MKX: variants seen among roughly 807,000 people sequenced by gnomAD.
MKX encodes the protein mohawk homeobox.
A neutral mutation model predicts 36.0 loss-of-function variants in MKX; 13 were observed. The ratio of observed to expected loss-of-function variants is 0.36; its 90% confidence interval spans 0.24 to 0.57. The LOEUF is 0.57. Among genes scored for constraint, MKX ranks in the 20% least tolerant of loss-of-function variants. The probability of loss-of-function intolerance (pLI) is 0.79; values close to 1 mark genes in which losing one functional copy is unlikely to be tolerated. For synonymous variants in MKX, 176 were observed against 178.3 expected, an observed-to-expected ratio of 0.99 and a Z score of 0.10; for missense variants, 458 against 456.4, an observed-to-expected ratio of 1.00 and a Z score of -0.03.
At chr10:27,703,144 T>C (rs1836689708) in intron 5 of MKX, among the ~76,000 whole-genome samples, 1 of 152,146 alleles carries the variant, frequency 6.6e-6, no homozygotes, top group African/African-American at 2.4e-5. Flanking sequence ...AGTCCAGTTT[T>C]TTAATTCCTA....
intron 5 of MKX, among the ~76,000 whole-genome samples, chr10:27,676,526 C>A (rs1026525252): frequency 5.9e-5 from 9 of 151,668 alleles, no homozygotes; most frequent in Non-Finnish European, 1.2e-4. Context: ...TACAGGCACC[C>A]GCCACCAAGC....
chr10:27,697,433 G>A (rs1836575306), intron 5 of MKX, among the ~76,000 whole-genome samples: 1 of 152,130 alleles, frequency 6.6e-6, no homozygotes, highest in Admixed American at 6.6e-5. Context: ...CATTTTGCAA[G>A]TCATAAACCT....
chr10:27,726,654 CT>C (rs1478121642), intron 5 of MKX, among the ~76,000 whole-genome samples: 3 of 149,896 alleles, frequency 2.0e-5, no homozygotes, highest in Non-Finnish European at 4.4e-5. Context: ...TCATTTTACT[CT>C]TTCTATGTTT....
At chr10:27,721,813 A>T (rs913813937) in intron 5 of MKX, among the ~76,000 whole-genome samples, 1 of 152,182 alleles carries the variant, frequency 6.6e-6, no homozygotes, top group African/African-American at 2.4e-5. Context: ...CATGCTATTA[A>T]TATATGTTTA....
In MKX at chr10:27,673,212, ATC is replaced by A. The variant is rs1421615092; in HGVS notation, c.*2015_*2016del. 2.0e-5 allele frequency: 3 copies of A among 152,194 alleles called. No homozygotes were observed. The highest frequency in any genetic ancestry group is 7.2e-5 in the African/African-American group (3 of 41,464). The allele number at this position is 152,194 out of a possible 1,614,324, so 9.4% of individuals were successfully genotyped here. A position where few individuals can be genotyped will look rare whatever the true frequency, so the allele number is the denominator to read the frequency against. ...CTTCCAACCTTTGGTATTAAAAAAAATCATGTGAATAGTTGTCCTATATTGCC... is the reference window on the plus strand; with the variant it reads ...CTTCCAACCTTTGGTATTAAAAAAAAATGTGAATAGTTGTCCTATATTGCC... On this transcript the variant is annotated 3_prime_UTR_variant, in exon 7 of 7. Transcript: ENST00000419761.
intron 5 of MKX, among the ~76,000 whole-genome samples, chr10:27,704,325 T>C (rs1219149047): frequency 3.3e-5 from 5 of 152,136 alleles, no homozygotes; most frequent in African/African-American, 1.2e-4. Flanking sequence ...ATTTTTTAAA[T>C]AGACAAGTTG....
chr10:27,690,704 A>C (rs1440975463), intron 5 of MKX, among the ~76,000 whole-genome samples: 1 of 152,160 alleles, frequency 6.6e-6, no homozygotes, highest in Non-Finnish European at 1.5e-5. Context: ...CCTGACTTGA[A>C]GAAGTCAGGG....
intron 5 of MKX, among the ~76,000 whole-genome samples, chr10:27,694,650 G>A (rs781024964): frequency 4.8e-5 from 7 of 146,244 alleles, no homozygotes; most frequent in South Asian, 4.3e-4. Context: ...AGCCGAGATC[G>A]TGCCACTGCA....
chr10:27,744,582 C>G lies in MKX; in HGVS notation c.-82-1085G>C, dbSNP rs1835005127. ...GGCGCGCGGCGGACTTCGCCCGCCCCATCTCCTCGCCTCGCGCCTCGGGAC... is the reference window on the plus strand; with the variant it reads ...GGCGCGCGGCGGACTTCGCCCGCCCGATCTCCTCGCCTCGCGCCTCGGGAC... On this transcript the variant is annotated intron_variant, in intron 1 of 6. Transcript: ENST00000419761. This position sits in a 1 kb window ranked among gnomAD's most constrained non-coding sequence, Gnocchi z 5.6. Among the ~76,000 whole-genome samples the G allele has an allele frequency of 6.6e-6, 1 of 152,128 alleles. No individual in the cohort carries two copies. Among genetic ancestry groups the G allele is most frequent in the African/African-American group, 2.4e-5 (1 of 41,426 alleles).
chr10:27,681,106 G>A (rs1164287675), intron 5 of MKX, among the ~76,000 whole-genome samples: 1 of 152,192 alleles, frequency 6.6e-6, no homozygotes, highest in African/African-American at 2.4e-5. Flanking sequence ...ATCGTAATGT[G>A]GTCATGCCAC....
chr10:27,731,862 C>G (rs1391338550), intron 5 of MKX, among the ~76,000 whole-genome samples: 1 of 151,962 alleles, frequency 6.6e-6, no homozygotes, highest in Non-Finnish European at 1.5e-5. Flanking sequence ...GAAGACTCAC[C>G]ACACTGGGAA....
intron 5 of MKX, among the ~76,000 whole-genome samples, chr10:27,684,210 A>G (rs1209694503): frequency 1.3e-5 from 2 of 151,464 alleles, no homozygotes; most frequent in Non-Finnish European, 2.9e-5. Flanking sequence ...AGCTACTTGG[A>G]AGGCCGAGGT....
intron 5 of MKX, among the ~76,000 whole-genome samples, chr10:27,697,401 G>A (rs189683233): frequency 7.2e-5 from 11 of 152,304 alleles, no homozygotes; most frequent in Admixed American, 2.0e-4. Context: ...AACCTGTGAT[G>A]ATAATAACAG....
At chr10:27,724,826 T>C (rs917160629) in intron 5 of MKX, among the ~76,000 whole-genome samples, 9 of 151,428 alleles carry the variant, frequency 5.9e-5, no homozygotes, top group Admixed American at 2.0e-4. Flanking sequence ...GTATTAATGG[T>C]GTGGGATCTT....
chr10:27,691,156 G>C (rs574767598), intron 5 of MKX, among the ~76,000 whole-genome samples: 1 of 152,258 alleles, frequency 6.6e-6, no homozygotes, highest in African/African-American at 2.4e-5. Context: ...TGTGAGAATG[G>C]AAAAATATAG....
chr10:27,692,871 C>G (rs1029672818), intron 5 of MKX, among the ~76,000 whole-genome samples: 1 of 152,136 alleles, frequency 6.6e-6, no homozygotes, highest in Non-Finnish European at 1.5e-5. Flanking sequence ...TGCGAGGTAG[C>G]TGGAGCTACA....
chr10:27,727,605 T>C (rs1834519813), intron 5 of MKX, among the ~76,000 whole-genome samples: 1 of 152,270 alleles, frequency 6.6e-6, no homozygotes, highest in East Asian at 1.9e-4. Context: ...GTTTTTATAA[T>C]TCTATAGCAA....
chr10:27,698,168 A>C (rs1403503864), intron 5 of MKX, among the ~76,000 whole-genome samples: 1 of 152,180 alleles, frequency 6.6e-6, no homozygotes, highest in Non-Finnish European at 1.5e-5. Flanking sequence ...TAAATGGAGA[A>C]TATGAAAGGG....
At chr10:27,695,069 C>T (rs573565631) in intron 5 of MKX, among the ~76,000 whole-genome samples, 13 of 152,210 alleles carry the variant, frequency 8.5e-5, no homozygotes, top group African/African-American at 3.1e-4. Context: ...AAACCAGGAA[C>T]TGTGAGGACC....
Sources: gnomAD v4.1 joint callset for allele counts (sites outside exome capture counted in the v4.1 genomes callset) on GRCh38, gnomAD v4.1.1 for gene constraint, Gnocchi (gnomAD v3.1) non-coding constraint, MANE v1.5 for transcripts, NCBI Gene and HGNC (gene_info 2026-07-23, HGNC 2026-07-21) for gene names.